Variants in CMKLR2 observed in about 807,000 individuals in gnomAD.
CMKLR2 encodes chemerin-like receptor 2.
CMKLR2 carries 18 observed loss-of-function variants against 23.0 expected under a neutral mutation model. The observed-to-expected ratio is 0.78, with a 90% CI of 0.54 to 1.16. The LOEUF is 1.16. Among genes scored for constraint, CMKLR2 ranks in the 50% most tolerant of loss-of-function variants. The pLI, the probability that CMKLR2 is intolerant of heterozygous loss-of-function variation, is 0.00. For synonymous variants in CMKLR2, 158 were observed against 158.9 expected, an observed-to-expected ratio of 0.99 and a Z score of 0.05; for missense variants, 401 against 412.7, an observed-to-expected ratio of 0.97 and a Z score of 0.25.
At chr2:206,212,314 A>T (rs1689599218) in intron 1 of CMKLR2, among the ~76,000 whole-genome samples, 2 of 152,172 alleles carry the variant, frequency 1.3e-5, no homozygotes, top group African/African-American at 2.4e-5. Flanking sequence ...AGTGTCTGGA[A>T]GATGTACAAA....
chr2:206,177,392 T>C, intron 1 of CMKLR2, 117 bp from the exon 2 acceptor site: 1 of 591,214 alleles, frequency 1.7e-6, no homozygotes, highest in South Asian at 2.5e-5. Context: ...CATAGTATTA[T>C]TTTTTCTTTT....
chr2:206,194,427 T>G (rs546978930), intron 1 of CMKLR2, among the ~76,000 whole-genome samples: 179 of 151,610 alleles, frequency 1.2e-3, no homozygotes, highest in African/African-American at 4.1e-3. Flanking sequence ...ATTATTATGA[T>G]GATTTAATGG....
chr2:206,196,101 G>A (rs867586445), intron 1 of CMKLR2, among the ~76,000 whole-genome samples: 15 of 152,136 alleles, frequency 9.9e-5, no homozygotes, highest in East Asian at 7.7e-4. Flanking sequence ...CAGGCCAGGC[G>A]TGGTGGCTCA....
rs140831643 is a variant in CMKLR2, at chr2:206,184,735, G to T, written c.-28-7460C>A. ...GTGGCAACCACCATTTCTGAATCCC[G>T]ATCACTCATTCATTCAGCCAATATT... On this transcript the variant is annotated intron_variant, in intron 1 of 1. Coordinates refer to ENST00000621141, the MANE Select transcript of CMKLR2 (RefSeq NM_001389445.1). 8.0e-3 allele frequency among the ~76,000 whole-genome samples: 1,223 copies of T among 152,132 alleles called. 11 individuals are homozygous for T. The highest frequency in any genetic ancestry group is 0.027 in the African/African-American group (1,133 of 41,486).
intron 1 of CMKLR2, among the ~76,000 whole-genome samples, chr2:206,185,446 A>G (rs1489975698): frequency 6.6e-6 from 1 of 152,220 alleles, no homozygotes; most frequent in East Asian, 1.9e-4. Flanking sequence ...TAGAAGCAAT[A>G]AGGATGCCAG....
intron 1 of CMKLR2, among the ~76,000 whole-genome samples, chr2:206,200,941 T>C (rs747484629): frequency 6.6e-6 from 1 of 152,132 alleles, no homozygotes; most frequent in Non-Finnish European, 1.5e-5. Context: ...TCTTTCTTCC[T>C]TGCGTTTTAT....
In CMKLR2 at chr2:206,176,912, G is replaced by A; in HGVS notation, c.336C>T (p.Ala112=). The A allele has an allele frequency of 6.2e-7, 1 of 1,614,188 alleles. No homozygotes were observed. The highest frequency in any genetic ancestry group is 8.5e-7 in the Non-Finnish European group (1 of 1,180,052). ...HWPFGIWLCK[A]NSFTAQLNMF... is the part of the protein sequence containing the mutation. ...TGTTCAACTGGGCAGTGAAGGAATTGGCTTTGCACAGCCAGATGCCAAAGG... is the reference window on the plus strand; with the variant it reads ...TGTTCAACTGGGCAGTGAAGGAATTAGCTTTGCACAGCCAGATGCCAAAGG... The change falls in exon 2 of 2, where the codon GCC becomes GCT. Residue 112 remains alanine (A), a synonymous_variant. Transcript: ENST00000621141.
Position 206,176,564 on chromosome 2 carries a change from A to C in CMKLR2, c.684T>G (p.Cys228Trp). The change falls in exon 2 of 2, where the codon TGT becomes TGG. Residue 228 changes from cysteine (C) to tryptophan (W), a missense_variant. By Grantham distance (215) the Cys-to-Trp change is radical. Transcript: ENST00000621141. ...TTCGCTTCTTCACCTTGAAGATGAGACACAAGTAGCAAATACTCATTGTTA... is the reference window on the plus strand; with the variant it reads ...TTCGCTTCTTCACCTTGAAGATGAGCCACAAGTAGCAAATACTCATTGTTA... Reference protein sequence around the residue: ...PLLTMSICYLCLIFKVKKRSI... With the variant: ...PLLTMSICYLWLIFKVKKRSI... 6.2e-7 allele frequency: 1 copy of C among 1,614,132 alleles called. No homozygotes were observed.
chr2:206,196,202 C>T (rs570829646), intron 1 of CMKLR2, among the ~76,000 whole-genome samples: 1 of 152,022 alleles, frequency 6.6e-6, no homozygotes, highest in South Asian at 2.1e-4. Flanking sequence ...CAGTGAAACC[C>T]TATCTCTACT....
At chr2:206,205,639 T>C (rs1485121893) in intron 1 of CMKLR2, among the ~76,000 whole-genome samples, 1 of 151,926 alleles carries the variant, frequency 6.6e-6, no homozygotes, top group Non-Finnish European at 1.5e-5. Context: ...CCCAAAGTGG[T>C]GGGATTTTAG....
chr2:206,217,122 A>T (rs1006822376), upstream of CMKLR2, among the ~76,000 whole-genome samples: 1 of 152,202 alleles, frequency 6.6e-6, no homozygotes, highest in Non-Finnish European at 1.5e-5. Context: ...GAACAAAAGC[A>T]TTGGAAGAGA....
intron 1 of CMKLR2, among the ~76,000 whole-genome samples, chr2:206,199,451 C>A (rs902633633): frequency 6.6e-6 from 1 of 151,772 alleles, no homozygotes; most frequent in African/African-American, 2.4e-5. Flanking sequence ...CGAGCACATG[C>A]GCAAGAAAGA....
At chr2:206,211,827 A>C (rs1574333246) in intron 1 of CMKLR2, among the ~76,000 whole-genome samples, 2 of 63,206 alleles carry the variant, frequency 3.2e-5, no homozygotes, top group African/African-American at 5.6e-5. Flanking sequence ...CATCTGAGTC[A>C]CTTTTTTTTT....
intron 1 of CMKLR2, among the ~76,000 whole-genome samples, chr2:206,197,609 C>G (rs1280782614): frequency 1.3e-5 from 2 of 152,196 alleles, no homozygotes; most frequent in African/African-American, 4.8e-5. Flanking sequence ...ATTATGGGAG[C>G]AGTGCCCTGT....
At chr2:206,205,523 C>T (rs375626616) in intron 1 of CMKLR2, among the ~76,000 whole-genome samples, 345 of 151,136 alleles carry the variant, frequency 2.3e-3, no homozygotes, top group African/African-American at 7.9e-3. Flanking sequence ...CCACCACACC[C>T]GGCTAATTTT....
chr2:206,211,723 G>T (rs1689570379), intron 1 of CMKLR2, among the ~76,000 whole-genome samples: 1 of 145,642 alleles, frequency 6.9e-6, no homozygotes, highest in Non-Finnish European at 1.5e-5. Flanking sequence ...TATTAAGATG[G>T]CATATATAAA....
intron 1 of CMKLR2, among the ~76,000 whole-genome samples, chr2:206,183,765 C>T (rs1036289904): frequency 1.1e-4 from 16 of 152,248 alleles, no homozygotes; most frequent in African/African-American, 3.6e-4. Context: ...TAGCAACTGT[C>T]CTACTGAGTC....
intron 1 of CMKLR2, among the ~76,000 whole-genome samples, chr2:206,186,117 C>G (rs1038732823): frequency 8.5e-5 from 12 of 140,352 alleles, no homozygotes; most frequent in African/African-American, 2.7e-4. Flanking sequence ...GTGGAATGGG[C>G]TTTTTTTTTT....
Position 206,207,728 on chromosome 2 carries a change from C to CTTTTTTTTTTTTTTTTTTTTTTTTTTT in CMKLR2, c.-29+5552_-29+5578dup, listed in dbSNP as rs71034423. ...ATCTGGGTCTGTCTGACCTCAGGGC[C>CTTTTTTTTTTTTTTTTTTTTTTTTTTT]TTTTTTTTTTTTTTTTTTTTTTTTT... is the stretch of plus-strand genomic sequence containing the variant. On this transcript the variant is annotated intron_variant, in intron 1 of 1. Coordinates refer to ENST00000621141, the MANE Select transcript of CMKLR2 (RefSeq NM_001389445.1). Among the ~76,000 whole-genome samples the CTTTTTTTTTTTTTTTTTTTTTTTTTTT allele has an allele frequency of 1.8e-4, 8 of 43,574 alleles. 3 individuals are homozygous for CTTTTTTTTTTTTTTTTTTTTTTTTTTT. The highest frequency in any genetic ancestry group is 5.7e-4 in the Admixed American group (2 of 3,484). 28.6% of individuals were successfully genotyped at this position (43,574 alleles called of 152,430 possible).
Sources: gnomAD v4.1 joint callset for allele counts (sites outside exome capture counted in the v4.1 genomes callset) on GRCh38, gnomAD v4.1.1 for gene constraint, MANE v1.5 for transcripts, NCBI Gene and HGNC (gene_info 2026-07-23, HGNC 2026-07-21) for gene names.